GOLGA6L7: variants seen among roughly 807,000 people sequenced by gnomAD.
GOLGA6L7 encodes the protein golgin A6 family like 7, also known as golgin subfamily A member 6-like protein 7.
A neutral mutation model predicts 68.9 loss-of-function variants in GOLGA6L7; 29 were observed. The ratio of observed to expected loss-of-function variants is 0.42; its 90% CI spans 0.31 to 0.57. The LOEUF is 0.57. Among genes scored for constraint, GOLGA6L7 ranks in the 20% least tolerant of loss-of-function variants. The pLI is 0.13. For synonymous variants in GOLGA6L7, 133 were observed against 197.4 expected, an observed-to-expected ratio of 0.67 and a Z score of 2.73; for missense variants, 396 against 588.4, an observed-to-expected ratio of 0.67 and a Z score of 3.38.
chr15:28,846,127 C>G, intron 3 of GOLGA6L7, 93 bp downstream of exon 3: 2 of 723,758 alleles, frequency 2.8e-6, no homozygotes. Flanking sequence ...CCTCCCCAAG[C>G]TGGGAGTAGG....
chr15:28,845,478 T>C (rs1387674788), intron 6 of GOLGA6L7, 51 bp downstream of exon 6: 6 of 701,942 alleles, frequency 8.5e-6, no homozygotes, highest in Middle Eastern at 2.8e-4. Flanking sequence ...GGCTCATTCC[T>C]CCATCTGCGA....
Position 28,843,389 on chromosome 15 carries a change from G to A in GOLGA6L7, c.715C>T (p.Arg239Trp), listed in dbSNP as rs368515145. ...TGATCCCGTAGCTCCTCCTGATCCC[G>A]TAGCTCCTCCTCCTGCCTCCACATC... ...EKMWRQEEEL[R>W]DQEELRDQEK... The change falls in exon 9 of 9, where the codon CGG (arginine) becomes TGG (tryptophan). Residue 239 changes from arginine to tryptophan, a missense_variant. Around this residue, in one of 5 missense-constraint regions of GOLGA6L7, gnomAD observed 125 missense variants for 119.4 expected, o/e 1.05. Transcript: ENST00000567390. 36 of 166,722 alleles carry A rather than the reference G, an allele frequency of 2.2e-4. No individual in the cohort carries two copies. In the African/African-American group the frequency reaches 6.7e-3, roughly 31 times the overall value. 10.3% of individuals were successfully genotyped at this position (166,722 alleles called of 1,614,324 possible).
chr15:28,842,082 A>G lies in GOLGA6L7; in HGVS notation c.*153T>C, dbSNP rs946574797. 8 of 572,730 alleles carry G rather than the reference A, an allele frequency of 1.4e-5. No individual in the cohort carries two copies. The highest frequency in any genetic ancestry group is 1.4e-4 in the African/African-American group (7 of 51,116). The allele number at this position is 572,730 out of a possible 1,614,324, so 35.5% of individuals were successfully genotyped here. A position where few individuals can be genotyped will look rare whatever the true frequency, so the allele number is the denominator to read the frequency against. On this transcript the variant is annotated 3_prime_UTR_variant, in exon 9 of 9. Transcript: ENST00000567390. ...GGTGATCCACCCGCCTAGGCCTCCC[A>G]AAGTGGTGTGATTACAGGTGCAGGC... is the stretch of plus-strand genomic sequence containing the variant.
Position 28,842,337 on chromosome 15 carries a change from A to G in GOLGA6L7, c.1767T>C (p.Pro589=), listed in dbSNP as rs2030217412. ...NRTAQIMQLP[P]GMKNAQERPG... ...GGCGCTCCTGGGCGTTCTTCATTCC[A>G]GGGGGCAGCTGCATGATCTGTGCAG... is the stretch of plus-strand genomic sequence containing the variant. Residue 589 remains proline (P), a synonymous_variant, in exon 9 of 9, where the codon CCT becomes CCC. Transcript: ENST00000567390. The G allele has an allele frequency of 4.1e-6, 5 of 1,231,006 alleles. No homozygotes were observed. The South Asian group carries it at 2.1e-4, about 51-fold the overall frequency. The allele number at this position is 1,231,006 out of a possible 1,614,324, so 76.3% of individuals were successfully genotyped here.
chr15:28,844,687 G>A (rs1212969698), intron 6 of GOLGA6L7, among the ~76,000 whole-genome samples: 1 of 152,062 alleles, frequency 6.6e-6, no homozygotes, highest in Non-Finnish European at 1.5e-5. Context: ...AGAGCGATCA[G>A]ATAATATTGT....
chr15:28,845,425 T>C, intron 6 of GOLGA6L7, 104 bp downstream of exon 6: 1 of 699,948 alleles, frequency 1.4e-6, no homozygotes, highest in South Asian at 1.5e-5. Context: ...TGGCCCATGC[T>C]GTCTTCTGGG....
rs1276273816 is a variant in GOLGA6L7 at position 28,845,918 on chromosome 15, G to A, written c.243C>T (p.Ala81=). The A allele has an allele frequency of 1.6e-6, 2 of 1,282,110 alleles. No individual in the cohort carries two copies. Among genetic ancestry groups the A allele is most frequent in the African/African-American group, 1.5e-5 (1 of 67,910 alleles). 79.4% of individuals were successfully genotyped at this position (1,282,110 alleles called of 1,614,324 possible). The change falls in exon 4 of 9, where the codon GCC becomes GCT. Residue 81 remains alanine, a synonymous_variant. Transcript: ENST00000567390. ...CACTCACCTCTAGCTGCCTCCTTAG[G>A]GCTTGCTGATGTTGGTGGCTTGCCT... The part of the protein sequence containing the change: ...ENKASHQHQQ[A]LRRQLEAQDH...
Position 28,842,757 on chromosome 15 carries a change from C to T in GOLGA6L7, c.1347G>A (p.Gln449=). 1.6e-6 allele frequency: 2 copies of T among 1,265,210 alleles called. No individual in the cohort carries two copies. Among genetic ancestry groups the T allele is most frequent in the Non-Finnish European group, 2.0e-6 (2 of 1,012,904 alleles). 78.4% of individuals were successfully genotyped at this position (1,265,210 alleles called of 1,614,324 possible). A position where few individuals can be genotyped will look rare whatever the true frequency, so the allele number is the denominator to read the frequency against. ...GCATCTGCTCCTCCTGCTCCCCCAT[C>T]TGCTCCTCCTGCTTCCGCATCTGCT... ...QEEQMRKQEE[Q]MGEQEEQMRK... The change falls in exon 9 of 9, where the codon CAG becomes CAA. Residue 449 remains glutamine (Q), a synonymous_variant. Coordinates refer to ENST00000567390, the MANE Select transcript of GOLGA6L7 (RefSeq NM_001365371.2).
At position 28,844,072 on chromosome 15, in the gene GOLGA6L7, G is replaced by T. The variant is rs373205206; in HGVS notation, c.521+133C>A. ...ACCCCATGAGTCAGTGGCACAGCCG[G>T]CACTGGAGCTTCCCTGCACACACAT... is the stretch of plus-strand genomic sequence containing the variant. On this transcript the variant is annotated intron_variant, in intron 7 of 8. Coordinates refer to ENST00000567390, the MANE Select transcript of GOLGA6L7 (RefSeq NM_001365371.2). 151 of 567,440 alleles carry T rather than the reference G, an allele frequency of 2.7e-4. 2 individuals carry two copies. Among genetic ancestry groups the T allele is most frequent in the African/African-American group, 2.5e-3 (130 of 52,414 alleles). The allele number at this position is 567,440 out of a possible 1,614,324, so 35.2% of individuals were successfully genotyped here.
chr15:28,845,062 C>G, intron 6 of GOLGA6L7: 1 of 288,922 alleles, frequency 3.5e-6, no homozygotes, highest in Non-Finnish European at 6.7e-6. Flanking sequence ...CACTGTTCCT[C>G]TCTCCTGAGT....
In GOLGA6L7 at chr15:28,848,565, G is replaced by A. The variant is rs562768612; in HGVS notation, c.-16C>T. 2.3e-5 allele frequency: 16 copies of A among 710,948 alleles called. No individual in the cohort carries two copies. Among genetic ancestry groups the A allele is most frequent in the Non-Finnish European group, 3.1e-5 (12 of 389,022 alleles). 44.0% of individuals were successfully genotyped at this position (710,948 alleles called of 1,614,324 possible). ...CGGACATCATGGGGTGGGGAGGGTGGTGGGGTTGGGGTCACATTGGCGTGA... is the reference window on the plus strand; with the variant it reads ...CGGACATCATGGGGTGGGGAGGGTGATGGGGTTGGGGTCACATTGGCGTGA... On this transcript the variant is annotated 5_prime_UTR_variant, in exon 1 of 9. Transcript: ENST00000567390.
intron 2 of GOLGA6L7, 38 bp from the exon 3 acceptor site, chr15:28,846,287 C>G (rs747089772): frequency 1.3e-6 from 1 of 760,230 alleles, no homozygotes; most frequent in Non-Finnish European, 2.4e-6. Flanking sequence ...TGAGGGTGGT[C>G]CCTCGACTCT....
intron 6 of GOLGA6L7, chr15:28,844,867 C>G (rs887333633): frequency 4.6e-5 from 8 of 173,458 alleles, no homozygotes; most frequent in Non-Finnish European, 8.6e-5. Context: ...AAGTGCTTGC[C>G]TAAGATCACT....
intron 3 of GOLGA6L7, 31 bp from the exon 4 acceptor site, chr15:28,845,981 T>A: frequency 2.8e-6 from 3 of 1,086,268 alleles, no homozygotes; most frequent in Non-Finnish European, 4.2e-6. Flanking sequence ...ACAGAGCTCT[T>A]ACTAGAGGGA....
Position 28,847,089 on chromosome 15 carries a change from G to A in GOLGA6L7, c.155C>T (p.Ser52Leu), listed in dbSNP as rs776295661. ...NHGANPETTT[S>L]GGCHSPEDKQ... ...ATCCTCAGGCGAGTGGCAGCCCCCC[G>A]AAGTGGTTGTCTCAGGGTTAGCGCC... Residue 52 changes from serine (S) to leucine (L), a missense_variant, in exon 2 of 9, where the codon TCG (serine) becomes TTG (leucine). Physicochemically the swap from Ser to Leu is moderately radical, Grantham distance 145. Around this residue, in one of 5 missense-constraint regions of GOLGA6L7, gnomAD observed 18 missense variants for 56.5 expected, o/e 0.32. Transcript: ENST00000567390. The A allele has an allele frequency of 2.9e-5, 31 of 1,081,332 alleles. No individual in the cohort carries two copies. Among genetic ancestry groups the A allele is most frequent in the African/African-American group, 4.1e-5 (2 of 49,128 alleles). The allele number at this position is 1,081,332 out of a possible 1,614,324, so 67.0% of individuals were successfully genotyped here.
intron 6 of GOLGA6L7, chr15:28,845,125 T>TAC (rs60784033): frequency 0.088 from 26,074 of 296,912 alleles, 739 homozygotes; most frequent in Non-Finnish European, 0.11. Flanking sequence ...AATACGTACG[T>TAC]ACACACACAC....
At chr15:28,847,002 A>C (rs995318427) in intron 2 of GOLGA6L7, 62 bp downstream of exon 2, 1 of 812,908 alleles carries the variant, frequency 1.2e-6, no homozygotes, top group African/African-American at 2.7e-5. Flanking sequence ...CAATCTTAAC[A>C]GTTACCCTCG....
At chr15:28,845,480 C>T (rs1448197812) in intron 6 of GOLGA6L7, 49 bp downstream of exon 6, 3 of 701,900 alleles carry the variant, frequency 4.3e-6, no homozygotes, top group Non-Finnish European at 7.8e-6. Context: ...CTCATTCCTC[C>T]ATCTGCGAAG....
At chr15:28,844,115 C>T in intron 7 of GOLGA6L7, 90 bp downstream of exon 7, 1 of 523,718 alleles carries the variant, frequency 1.9e-6, no homozygotes, top group East Asian at 3.2e-5. Flanking sequence ...TGTATGACCC[C>T]CTACCATGCT....
Sources: gnomAD v4.1 joint callset for allele counts (sites outside exome capture counted in the v4.1 genomes callset) on GRCh38, gnomAD v4.1.1 for gene constraint, gnomAD v4.1.1 regional missense constraint, MANE v1.5 for transcripts, NCBI Gene and HGNC (gene_info 2026-07-23, HGNC 2026-07-21) for gene names.